The following CTNNA3 variants were observed in gnomAD, a reference collection of about 807,000 sequenced individuals.
CTNNA3 encodes the protein catenin alpha-3.
Under a neutral mutation model 95.7 loss-of-function variants are expected in CTNNA3, and 76 were observed. The observed-to-expected ratio is 0.79, with a 90% CI of 0.66 to 0.96. The LOEUF is 0.96. Ranked by LOEUF, CTNNA3 falls within the 40% of genes least tolerant of loss-of-function variation. The pLI, the probability that CTNNA3 is intolerant of heterozygous loss-of-function variation, is 0.00. For missense variants in CTNNA3, 1,191 were observed against 1,089.8 expected (o/e 1.09, Z -1.31); for synonymous variants, 431 against 374.4 (o/e 1.15, Z -1.74).
At chr10:66,919,134 TAAA>T (rs5785804) in intron 7 of CTNNA3, among the ~76,000 whole-genome samples, 11 of 111,922 alleles carry the variant, frequency 9.8e-5, no homozygotes, top group Non-Finnish European at 7.1e-5. Context: ...GACTCTGTCT[TAAA>T]AAAAAAAAAA....
At chr10:67,604,303 G>A (rs1843187911) in intron 3 of CTNNA3, among the ~76,000 whole-genome samples, 1 of 152,170 alleles carries the variant, frequency 6.6e-6, no homozygotes, top group Non-Finnish European at 1.5e-5. Context: ...CTGTTTGGAG[G>A]AACATATGAG....
At chr10:67,074,075 C>T (rs1161374987) in intron 7 of CTNNA3, among the ~76,000 whole-genome samples, 1 of 120,170 alleles carries the variant, frequency 8.3e-6, no homozygotes, top group Non-Finnish European at 1.6e-5. Flanking sequence ...CTGGCTCTGT[C>T]TCCAGGCTGG....
At chr10:67,061,498 G>A (rs141742915) in intron 7 of CTNNA3, among the ~76,000 whole-genome samples, 128 of 152,146 alleles carry the variant, frequency 8.4e-4, no homozygotes, top group African/African-American at 2.3e-3. Flanking sequence ...TCTTATCTCT[G>A]TTCTGCATCT....
chr10:67,568,740 G>A (rs895493703), intron 3 of CTNNA3, among the ~76,000 whole-genome samples: 6 of 152,110 alleles, frequency 3.9e-5, no homozygotes, highest in South Asian at 2.1e-4. Flanking sequence ...CCTAAGTAAC[G>A]GGTCAGCTCC....
intron 7 of CTNNA3, among the ~76,000 whole-genome samples, chr10:66,861,690 TTGTTTGTTTTTGAGC>T (rs1843934731): frequency 6.6e-6 from 1 of 152,200 alleles, no homozygotes; most frequent in Admixed American, 6.5e-5. Context: ...ATCATATTTG[TTGTTTGTTTTTGAGC>T]TGTGTGGTGG....
chr10:66,170,728 A>C (rs1461585499), intron 13 of CTNNA3, among the ~76,000 whole-genome samples: 5 of 27,022 alleles, frequency 1.9e-4, no homozygotes, highest in Admixed American at 5.4e-4. Context: ...ATGTTTACCC[A>C]AAAAAAAAAA....
At chr10:67,330,592 A>G (rs1671804015) in intron 5 of CTNNA3, among the ~76,000 whole-genome samples, 1 of 152,200 alleles carries the variant, frequency 6.6e-6, no homozygotes, top group Admixed American at 6.5e-5. Context: ...CATGGGAGGC[A>G]GTCAGAAGAA....
intron 11 of CTNNA3, among the ~76,000 whole-genome samples, chr10:66,439,771 A>G (rs1214997544): frequency 6.6e-6 from 1 of 152,148 alleles, no homozygotes; most frequent in Non-Finnish European, 1.5e-5. Flanking sequence ...GAGTTCATCA[A>G]TATGTTACAC....
Position 66,761,161 on chromosome 10 carries a change from T to G in CTNNA3, c.1281+5103A>C, listed in dbSNP as rs185030807. 3.6e-4 allele frequency among the ~76,000 whole-genome samples: 55 copies of G among 152,276 alleles called. No individual in the cohort carries two copies. In the East Asian group the frequency reaches 8.5e-3, roughly 24 times the overall value. ...AGAGCTCATAGCAATCAGCACTTCT[T>G]GCAAACTGCAAGAGTCCCCTCTAAA... On this transcript the variant is annotated intron_variant, in intron 9 of 17. Transcript: ENST00000433211.
intron 7 of CTNNA3, among the ~76,000 whole-genome samples, chr10:67,103,499 T>A (rs1161141753): frequency 6.6e-6 from 1 of 151,820 alleles, no homozygotes; most frequent in Admixed American, 6.6e-5. Flanking sequence ...AAGTAAATTA[T>A]GATGTAGCAG....
At chr10:67,578,995 T>TGA (rs1252988897) in intron 3 of CTNNA3, among the ~76,000 whole-genome samples, 9 of 55,082 alleles carry the variant, frequency 1.6e-4, no homozygotes, top group South Asian at 1.5e-3. Flanking sequence ...CTGATCATAG[T>TGA]GATATATATA....
chr10:67,637,302 G>C (rs1381082438), intron 2 of CTNNA3, among the ~76,000 whole-genome samples: 1 of 152,154 alleles, frequency 6.6e-6, no homozygotes, highest in Non-Finnish European at 1.5e-5. Context: ...AGCAAGAAGA[G>C]AAGTTTAGAG....
At chr10:66,119,504 G>A (rs748395435) in intron 13 of CTNNA3, among the ~76,000 whole-genome samples, 3 of 152,088 alleles carry the variant, frequency 2.0e-5, no homozygotes, top group African/African-American at 7.2e-5. Flanking sequence ...GCAGACAAAT[G>A]TATACATATA....
At chr10:66,870,985 C>T (rs1460297500) in intron 7 of CTNNA3, among the ~76,000 whole-genome samples, 1 of 152,166 alleles carries the variant, frequency 6.6e-6, no homozygotes, top group Non-Finnish European at 1.5e-5. Flanking sequence ...AAGGCAGAAG[C>T]TGCTGACTTC....
At chr10:66,070,194 G>A (rs914047227) in intron 14 of CTNNA3, among the ~76,000 whole-genome samples, 3 of 152,136 alleles carry the variant, frequency 2.0e-5, no homozygotes, top group African/African-American at 7.2e-5. Context: ...CTTAGCCTCT[G>A]AAAGTAGTTT....
intron 12 of CTNNA3, among the ~76,000 whole-genome samples, chr10:66,347,629 C>T (rs2092534182): frequency 6.6e-6 from 1 of 151,430 alleles, no homozygotes; most frequent in Admixed American, 6.6e-5. Flanking sequence ...AAAAAGCAGA[C>T]AGCAAGAATC....
intron 7 of CTNNA3, among the ~76,000 whole-genome samples, chr10:66,998,008 C>T (rs143180991): frequency 6.6e-6 from 1 of 152,170 alleles, no homozygotes; most frequent in Non-Finnish European, 1.5e-5. Flanking sequence ...TTCTAACTGG[C>T]CTCCCTGCCC....
At chr10:66,142,491 T>A (rs1291884613) in intron 13 of CTNNA3, among the ~76,000 whole-genome samples, 1 of 152,154 alleles carries the variant, frequency 6.6e-6, no homozygotes, top group Non-Finnish European at 1.5e-5. Context: ...ATTCCAGGTC[T>A]TTTAACTCTA....
intron 1 of CTNNA3, among the ~76,000 whole-genome samples, chr10:67,760,124 T>A (rs914329049): frequency 6.6e-6 from 1 of 152,054 alleles, no homozygotes; most frequent in Non-Finnish European, 1.5e-5. Flanking sequence ...GATTGACAGA[T>A]AAAGTAAAGT....
Sources: gnomAD v4.1 joint callset for allele counts (sites outside exome capture counted in the v4.1 genomes callset) on GRCh38, gnomAD v4.1.1 for gene constraint, MANE v1.5 for transcripts, NCBI Gene and HGNC (gene_info 2026-07-23, HGNC 2026-07-21) for gene names.